The following TMEM107 variants were observed in gnomAD, a reference collection of about 807,000 sequenced individuals.
TMEM107 encodes the protein transmembrane protein 107.
In TMEM107, 18 loss-of-function variants were observed where a neutral mutation model predicts 16.8. The observed-to-expected ratio is 1.07, with a 90% CI of 0.74 to 1.59. The LOEUF (loss-of-function observed/expected upper bound fraction) is 1.59. Ranked by LOEUF, TMEM107 falls within the 40% of genes most tolerant of loss-of-function variation. The pLI, the probability that TMEM107 is intolerant of heterozygous loss-of-function variation, is 0.00. For missense variants in TMEM107, 152 were observed against 175.4 expected (o/e 0.87, Z 0.75); for synonymous variants, 68 against 71.6 (o/e 0.95, Z 0.25).
Position 8,173,733 on chromosome 17 carries a change from T to C in TMEM107, c.*470A>G, listed in dbSNP as rs947516228. 2 of 539,866 alleles carry C rather than the reference T, an allele frequency of 3.7e-6. No homozygotes were observed. Among genetic ancestry groups the C allele is most frequent in the Non-Finnish European group, 6.6e-6 (2 of 303,034 alleles). 33.4% of individuals were successfully genotyped at this position (539,866 alleles called of 1,614,324 possible). A position where few individuals can be genotyped will look rare whatever the true frequency, so the allele number is the denominator to read the frequency against. On this transcript the variant is annotated 3_prime_UTR_variant, in exon 5 of 5. Transcript: ENST00000437139. ...ATATTAGCTCGCACATTTTTTTAAA[T>C]TTTTTTTTCATTCGGCTGCCGAAAA...
Position 8,173,596 on chromosome 17 carries a change from A to C in TMEM107, c.*607T>G, listed in dbSNP as rs748232860. On this transcript the variant is annotated 3_prime_UTR_variant, in exon 5 of 5. Transcript: ENST00000437139. Reference sequence around the variant, plus strand: ...ATTATCCCACCTGACGATACAGACAAACAGCCGACATTCTGCACTCAGTGA... The same window carrying C: ...ATTATCCCACCTGACGATACAGACACACAGCCGACATTCTGCACTCAGTGA... 40 of 762,760 alleles carry C rather than the reference A, an allele frequency of 5.2e-5. No individual in the cohort carries two copies. Among genetic ancestry groups the C allele is most frequent in the Non-Finnish European group, 7.0e-5 (29 of 416,208 alleles). The allele number at this position is 762,760 out of a possible 1,614,324, so 47.2% of individuals were successfully genotyped here. A position where few individuals can be genotyped will look rare whatever the true frequency, so the allele number is the denominator to read the frequency against.
Position 8,172,877 on chromosome 17 carries a change from C to CAAAAAAA in TMEM107, c.*1325_*1326insTTTTTTT, listed in dbSNP as rs1357679181. Among the ~76,000 whole-genome samples, 112 of 104,978 alleles carry CAAAAAAA rather than the reference C, an allele frequency of 1.1e-3. 8 individuals are homozygous for CAAAAAAA. Among genetic ancestry groups the CAAAAAAA allele is most frequent in the Non-Finnish European group, 1.3e-3 (69 of 54,280 alleles). The allele number at this position is 104,978 out of a possible 152,430, so 68.9% of individuals were successfully genotyped here. On this transcript the variant is annotated 3_prime_UTR_variant, in exon 5 of 5. Coordinates refer to ENST00000437139, the MANE Select transcript of TMEM107 (RefSeq NM_183065.4). ...TCTCAAAAAAAAAAAAAAAAAAAAC[C>CAAAAAAA]AAAAGAGGGGGGTGGTCAACATACC...
chr17:8,173,638 A>G lies in TMEM107; in HGVS notation c.*565T>C, dbSNP rs775947132. On this transcript the variant is annotated 3_prime_UTR_variant, in exon 5 of 5. Transcript: ENST00000437139. ...ACTCAGTGAAAAAGATTCCGTTACA[A>G]GCTAGGGTGAGTTCATAACGCGCTG... The G allele has an allele frequency of 8.1e-6, 6 of 738,690 alleles. No homozygotes were observed. Among genetic ancestry groups the G allele is most frequent in the Non-Finnish European group, 1.2e-5 (5 of 400,526 alleles). 45.8% of individuals were successfully genotyped at this position (738,690 alleles called of 1,614,324 possible).
In TMEM107 at chr17:8,175,805, C is replaced by A. The variant is rs765045090; in HGVS notation, c.208G>T (p.Gly70Cys). ...TLGLFAVELA[G>C]FLSGVSMFNS... ...AACATGGAGACTCCTGAGAGGAAACCGGCCAGCTCCACTGCAAAGAGGCCC... is the reference window on the plus strand; with the variant it reads ...AACATGGAGACTCCTGAGAGGAAACAGGCCAGCTCCACTGCAAAGAGGCCC... The change falls in exon 3 of 5, where the codon GGT (glycine) becomes TGT (cysteine). Residue 70 changes from glycine to cysteine, a missense_variant. By Grantham distance (159) the Gly-to-Cys change is radical. Coordinates refer to ENST00000437139, the MANE Select transcript of TMEM107 (RefSeq NM_183065.4). The A allele has an allele frequency of 1.9e-6, 3 of 1,614,150 alleles. No individual in the cohort carries two copies. Among genetic ancestry groups the A allele is most frequent in the Non-Finnish European group, 2.5e-6 (3 of 1,180,038 alleles).
chr17:8,174,195 G>A lies in TMEM107; in HGVS notation c.*8C>T. 6.2e-7 allele frequency: 1 copy of A among 1,613,620 alleles called. No homozygotes were observed. The highest frequency in any genetic ancestry group is 1.1e-5 in the South Asian group (1 of 91,076). ...GGCTTCGTCCTTAGGTTCCCGTCAT[G>A]AAGGTAATCAGAAGGGTTTCTTTTT... On this transcript the variant is annotated 3_prime_UTR_variant, in exon 5 of 5. Coordinates refer to ENST00000437139, the MANE Select transcript of TMEM107 (RefSeq NM_183065.4).
chr17:8,173,594 C>A lies in TMEM107; in HGVS notation c.*609G>T, dbSNP rs200531412. 2,656 of 762,662 alleles carry A rather than the reference C, an allele frequency of 3.5e-3. 30 individuals are homozygous for A. The highest frequency in any genetic ancestry group is 0.03 in the African/African-American group (1,778 of 59,212). 47.2% of individuals were successfully genotyped at this position (762,662 alleles called of 1,614,324 possible). On this transcript the variant is annotated 3_prime_UTR_variant, in exon 5 of 5. Transcript: ENST00000437139. ...GGATTATCCCACCTGACGATACAGACAAACAGCCGACATTCTGCACTCAGT... is the reference window on the plus strand; with the variant it reads ...GGATTATCCCACCTGACGATACAGAAAAACAGCCGACATTCTGCACTCAGT...
In TMEM107 at chr17:8,173,547, C is replaced by CTCCGGACTGCT; in HGVS notation, c.*655_*656insAGCAGTCCGGA. Reference sequence around the variant, plus strand: ...CTCCAATCATCATGTTCTAATCTGCCCTCCGGAGGAGGAACAGGTAAGGAT... The same window carrying CTCCGGACTGCT: ...CTCCAATCATCATGTTCTAATCTGCCTCCGGACTGCTCTCCGGAGGAGGAACAGGTAAGGAT... On this transcript the variant is annotated 3_prime_UTR_variant, in exon 5 of 5. Coordinates refer to ENST00000437139, the MANE Select transcript of TMEM107 (RefSeq NM_183065.4). 1 of 765,328 alleles carries CTCCGGACTGCT rather than the reference C, an allele frequency of 1.3e-6. No homozygotes were observed. The allele number at this position is 765,328 out of a possible 1,614,324, so 47.4% of individuals were successfully genotyped here. A position where few individuals can be genotyped will look rare whatever the true frequency, so the allele number is the denominator to read the frequency against.
chr17:8,174,187 C>T lies in TMEM107; in HGVS notation c.*16G>A. 6.2e-7 allele frequency: 1 copy of T among 1,613,068 alleles called. No homozygotes were observed. The highest frequency in any genetic ancestry group is 8.5e-7 in the Non-Finnish European group (1 of 1,179,038). ...CCCCTGTAGGCTTCGTCCTTAGGTTCCCGTCATGAAGGTAATCAGAAGGGT... is the reference window on the plus strand; with the variant it reads ...CCCCTGTAGGCTTCGTCCTTAGGTTTCCGTCATGAAGGTAATCAGAAGGGT... On this transcript the variant is annotated 3_prime_UTR_variant, in exon 5 of 5. Coordinates refer to ENST00000437139, the MANE Select transcript of TMEM107 (RefSeq NM_183065.4).
chr17:8,174,379 G>T, intron 4 of TMEM107, 107 bp from the exon 5 acceptor site: 1 of 1,319,678 alleles, frequency 7.6e-7, no homozygotes, highest in Non-Finnish European at 1.1e-6. Context: ...ATGGGGGGTA[G>T]GGGATGAAAC....
At position 8,173,556 on chromosome 17, in the gene TMEM107, G is replaced by T. The variant is rs116658491; in HGVS notation, c.*647C>A. ...TCATGTTCTAATCTGCCCTCCGGAGGAGGAACAGGTAAGGATTATCCCACC... is the reference window on the plus strand; with the variant it reads ...TCATGTTCTAATCTGCCCTCCGGAGTAGGAACAGGTAAGGATTATCCCACC... On this transcript the variant is annotated 3_prime_UTR_variant, in exon 5 of 5. Coordinates refer to ENST00000437139, the MANE Select transcript of TMEM107 (RefSeq NM_183065.4). 3.9e-6 allele frequency: 3 copies of T among 765,354 alleles called. No homozygotes were observed. Among genetic ancestry groups the T allele is most frequent in the South Asian group, 2.7e-5 (2 of 74,616 alleles). The allele number at this position is 765,354 out of a possible 1,614,324, so 47.4% of individuals were successfully genotyped here.
Position 8,172,863 on chromosome 17 carries a change from A to AAAC in TMEM107, c.*1339_*1340insGTT, listed in dbSNP as rs1183549449. On this transcript the variant is annotated 3_prime_UTR_variant, in exon 5 of 5. Transcript: ENST00000437139. ...ACAGAGTGAGACTGTCTCAAAAAAA[A>AAAC]AAAAAAAAAAAACCAAAAGAGGGGG... Among the ~76,000 whole-genome samples, 2 of 148,060 alleles carry AAAC rather than the reference A, an allele frequency of 1.4e-5. No homozygotes were observed. Among genetic ancestry groups the AAAC allele is most frequent in the South Asian group, 2.2e-4 (1 of 4,478 alleles).
In TMEM107 at chr17:8,175,759, A is replaced by G. The variant is rs1350125374; in HGVS notation, c.254T>C (p.Ile85Thr). 6.2e-7 allele frequency: 1 copy of G among 1,613,702 alleles called. No homozygotes were observed. Among genetic ancestry groups the G allele is most frequent in the East Asian group, 2.2e-5 (1 of 44,852 alleles). Residue 85 changes from isoleucine to threonine, a missense_variant and splice_region_variant, in exon 3 of 5, where the codon ATC becomes ACC. Physicochemically the swap from Ile to Thr is moderately conservative, Grantham distance 89. Coordinates refer to ENST00000437139, the MANE Select transcript of TMEM107 (RefSeq NM_183065.4). ...AGGTGGGCAGGCAGAAAGGATACAG[A>G]TGAGGCTCTGGGTGCTGTTGAACAT... ...VSMFNSTQSL[I>T]SIGAHCSASV...
In TMEM107 at chr17:8,175,986, G is replaced by C. The variant is rs1220984648; in HGVS notation, c.128C>G (p.Pro43Arg). Reference protein sequence around the residue: ...IQACLPLTFTPEEYDKQDIQL... With the variant: ...IQACLPLTFTREEYDKQDIQL... ...AATGTCCTGCTTGTCATACTCCTCG[G>C]GGGTGAACGTGAGAGGCAGGCAGGC... is the stretch of plus-strand genomic sequence containing the variant. The change falls in exon 2 of 5, where the codon CCC (proline) becomes CGC (arginine). Residue 43 changes from proline to arginine, a missense_variant. Coordinates refer to ENST00000437139, the MANE Select transcript of TMEM107 (RefSeq NM_183065.4). 1 of 1,614,214 alleles carries C rather than the reference G, an allele frequency of 6.2e-7. No individual in the cohort carries two copies. Among genetic ancestry groups the C allele is most frequent in the Non-Finnish European group, 8.5e-7 (1 of 1,180,036 alleles).
Position 8,172,751 on chromosome 17 carries a change from T to A in TMEM107, c.*1452A>T, listed in dbSNP as rs1041382350. ...CTGTAGTCCCAGCTACTTGGGAGGC[T>A]GATGCAGGAGGATCATCTGAGCCTG... On this transcript the variant is annotated 3_prime_UTR_variant, in exon 5 of 5. Transcript: ENST00000437139. Among the ~76,000 whole-genome samples the A allele has an allele frequency of 4.0e-5, 6 of 149,828 alleles. No individual in the cohort carries two copies. The highest frequency in any genetic ancestry group is 7.4e-5 in the Non-Finnish European group (5 of 67,764).
Position 8,176,323 on chromosome 17 carries a change from G to A in TMEM107, c.-37C>T, listed in dbSNP as rs775829885. The A allele has an allele frequency of 6.4e-7, 1 of 1,550,794 alleles. No homozygotes were observed. The highest frequency in any genetic ancestry group is 1.8e-5 in the Admixed American group (1 of 57,126). ...ACAAGGGCGGCGGTCTCTGAGGCTGGAAGTTCAGAGACAGCGACTCCTGAA... is the reference window on the plus strand; with the variant it reads ...ACAAGGGCGGCGGTCTCTGAGGCTGAAAGTTCAGAGACAGCGACTCCTGAA... On this transcript the variant is annotated 5_prime_UTR_variant, in exon 1 of 5. Transcript: ENST00000437139.
At position 8,175,952 on chromosome 17, in the gene TMEM107, A is replaced by G; in HGVS notation, c.155+7T>C. The G allele has an allele frequency of 6.2e-7, 1 of 1,614,184 alleles. No individual in the cohort carries two copies. The highest frequency in any genetic ancestry group is 2.2e-5 in the East Asian group (1 of 44,880). On this transcript the variant is annotated splice_region_variant and intron_variant, in intron 2 of 4. Transcript: ENST00000437139. ...TTCGTTCTGGCCACCCCGTCCCAAG[A>G]GCTCACTGAATGTCCTGCTTGTCAT... is the stretch of plus-strand genomic sequence containing the variant.
Position 8,173,535 on chromosome 17 carries a change from G to C in TMEM107, c.*668C>G, listed in dbSNP as rs73245429. ...CGTTTCATGCATCTCCAATCATCAT[G>C]TTCTAATCTGCCCTCCGGAGGAGGA... On this transcript the variant is annotated 3_prime_UTR_variant, in exon 5 of 5. Coordinates refer to ENST00000437139, the MANE Select transcript of TMEM107 (RefSeq NM_183065.4). 5.2e-6 allele frequency: 4 copies of C among 765,404 alleles called. No individual in the cohort carries two copies. Among genetic ancestry groups the C allele is most frequent in the Admixed American group, 1.7e-5 (1 of 59,030 alleles). The allele number at this position is 765,404 out of a possible 1,614,324, so 47.4% of individuals were successfully genotyped here.
chr17:8,175,937 C>G, intron 2 of TMEM107, 22 bp downstream of exon 2: 1 of 1,614,222 alleles, frequency 6.2e-7, no homozygotes. Flanking sequence ...TTCGTTCTGG[C>G]CACCCCGTCC....
At position 8,173,544 on chromosome 17, in the gene TMEM107, T is replaced by G. The variant is rs143605147; in HGVS notation, c.*659A>C. ...CATCTCCAATCATCATGTTCTAATC[T>G]GCCCTCCGGAGGAGGAACAGGTAAG... On this transcript the variant is annotated 3_prime_UTR_variant, in exon 5 of 5. Coordinates refer to ENST00000437139, the MANE Select transcript of TMEM107 (RefSeq NM_183065.4). 9.1e-6 allele frequency: 7 copies of G among 765,266 alleles called. No individual in the cohort carries two copies. The highest frequency in any genetic ancestry group is 8.5e-5 in the Admixed American group (5 of 59,010). The allele number at this position is 765,266 out of a possible 1,614,324, so 47.4% of individuals were successfully genotyped here.
Sources: allele counts gnomAD v4.1 joint callset (sites outside exome capture counted in the v4.1 genomes callset), GRCh38; gene constraint gnomAD v4.1.1; transcripts MANE v1.5; gene names NCBI Gene and HGNC (gene_info 2026-07-23, HGNC 2026-07-21).